FAM111B: variants seen among roughly 807,000 people sequenced by gnomAD.
FAM111B encodes serine protease FAM111B.
Under a neutral mutation model 2.8 loss-of-function variants are expected in FAM111B, and 1 was observed. The ratio of observed to expected loss-of-function variants is 0.36; its 90% CI spans 0.13 to 1.70. The LOEUF is 1.70. FAM111B is among the 40% of genes most tolerant of loss of function. The pLI is 0.35. For missense variants in FAM111B, 882 were observed against 878.9 expected, an observed-to-expected ratio of 1.00 and a Z score of -0.04; for synonymous variants, 297 against 295.6, an observed-to-expected ratio of 1.00 and a Z score of -0.05.
intron 3 of FAM111B, among the ~76,000 whole-genome samples, chr11:59,112,250 ACATACACTGAAT>A (rs1429576460): frequency 1.3e-5 from 2 of 152,214 alleles, no homozygotes; most frequent in African/African-American, 4.8e-5. Context: ...TATAAATGGA[ACATACACTGAAT>A]CATACCCTTT....
intron 3 of FAM111B, 178 bp downstream of exon 3, chr11:59,109,884 T>C (rs1194051319): frequency 7.6e-6 from 3 of 396,774 alleles, no homozygotes; most frequent in African/African-American, 6.1e-5. Context: ...ATGATAGAGT[T>C]AACAATGCTA....
Position 59,126,635 on chromosome 11 carries a change from C to T in FAM111B, c.*333C>T. ...CAAAAGAAGATATACACATGGCCAA[C>T]AAGGATATGAAAAAATACCTGATAT... On this transcript the variant is annotated 3_prime_UTR_variant, in exon 4 of 4. Transcript: ENST00000343597. 5.3e-6 allele frequency: 1 copy of T among 188,242 alleles called. No homozygotes were observed. The highest frequency in any genetic ancestry group is 1.1e-5 in the Non-Finnish European group (1 of 91,740). 11.7% of individuals were successfully genotyped at this position (188,242 alleles called of 1,614,324 possible).
rs762320602 is a variant in FAM111B, at chr11:59,109,675, A to T, written c.50A>T (p.Asp17Val). The T allele has an allele frequency of 6.2e-7, 1 of 1,612,676 alleles. No homozygotes were observed. The highest frequency in any genetic ancestry group is 1.7e-5 in the Admixed American group (1 of 59,954). ...EENKSFSAME[D>V]DQRTRPEVSK... ...AACAAGTCATTTAGCGCTATGGAAG[A>T]TGACCAGAGGACTAGACCTGAAGTT... The change falls in exon 3 of 4, where the codon GAT becomes GTT. Residue 17 changes from aspartate to valine, a missense_variant. Coordinates refer to ENST00000343597, the MANE Select transcript of FAM111B (RefSeq NM_198947.4).
intron 3 of FAM111B, among the ~76,000 whole-genome samples, chr11:59,120,166 A>T (rs1859899237): frequency 6.6e-6 from 1 of 152,250 alleles, no homozygotes; most frequent in Non-Finnish European, 1.5e-5. Flanking sequence ...TGAAAATGAG[A>T]CATAAATCAA....
intron 3 of FAM111B, among the ~76,000 whole-genome samples, chr11:59,119,016 G>C (rs545466194): frequency 6.6e-6 from 1 of 152,176 alleles, no homozygotes; most frequent in Non-Finnish European, 1.5e-5. Flanking sequence ...GTTCTTTTTA[G>C]TATTGTACTC....
chr11:59,111,922 C>A (rs1328227462), intron 3 of FAM111B, among the ~76,000 whole-genome samples: 1 of 152,108 alleles, frequency 6.6e-6, no homozygotes, highest in Non-Finnish European at 1.5e-5. Flanking sequence ...AACACAAAAA[C>A]CCCCACACCC....
chr11:59,112,816 T>C (rs1018928927), intron 3 of FAM111B, among the ~76,000 whole-genome samples: 5 of 152,248 alleles, frequency 3.3e-5, no homozygotes, highest in African/African-American at 1.2e-4. Flanking sequence ...ATTAAAATAT[T>C]TTTCCCATTT....
rs533825570 is a variant in FAM111B, at chr11:59,123,980, GA to G, written c.82-191del. Among the ~76,000 whole-genome samples, 72 of 151,440 alleles carry G rather than the reference GA, an allele frequency of 4.8e-4. No individual in the cohort carries two copies. The South Asian group carries it at 0.011, about 24-fold the overall frequency. The stretch of plus-strand genomic sequence containing the variant: ...AGAAAACAAAATCAAAGTATACAGA[GA>G]AAAAAAATTAAAAATTAAAATAAAG... On this transcript the variant is annotated intron_variant, in intron 3 of 3. Transcript: ENST00000343597.
chr11:59,125,745 CTA>C lies in FAM111B; in HGVS notation c.1649_1650del (p.Leu550GlnfsTer31). 6.2e-7 allele frequency: 1 copy of C among 1,613,702 alleles called. No individual in the cohort carries two copies. The highest frequency in any genetic ancestry group is 8.5e-7 in the Non-Finnish European group (1 of 1,179,776). On this transcript the variant is annotated frameshift_variant, in exon 4 of 4. Coordinates refer to ENST00000343597, the MANE Select transcript of FAM111B (RefSeq NM_198947.4). LOFTEE classifies it low-confidence loss of function (END_TRUNC). ...AAATCTAGATTATGCCATTTTAAAACTAAAAGAAAATGGAAATGCGTTTCCTC... is the reference window on the plus strand; with the variant it reads ...AAATCTAGATTATGCCATTTTAAAACAAAGAAAATGGAAATGCGTTTCCTC... ...NENLDYAILK[L>X]KENGNAFPPG...
Position 59,109,542 on chromosome 11 carries a change from A to G in FAM111B, c.-84A>G, listed in dbSNP as rs1319483341. 7 of 990,404 alleles carry G rather than the reference A, an allele frequency of 7.1e-6. No individual in the cohort carries two copies. Among genetic ancestry groups the G allele is most frequent in the Non-Finnish European group, 1.0e-5 (7 of 679,788 alleles). 61.4% of individuals were successfully genotyped at this position (990,404 alleles called of 1,614,324 possible). On this transcript the variant is annotated splice_region_variant and 5_prime_UTR_variant, in exon 3 of 4. Coordinates refer to ENST00000343597, the MANE Select transcript of FAM111B (RefSeq NM_198947.4). The stretch of plus-strand genomic sequence containing the variant: ...TCTTGTTTTTTTGGTTTTTTTAGAC[A>G]TTTCAGGTGGCAGAATAAATTCAAT...
intron 2 of FAM111B, 127 bp from the exon 3 acceptor site, chr11:59,109,413 C>G (rs1330828383): frequency 5.2e-6 from 2 of 388,272 alleles, no homozygotes; most frequent in African/African-American, 2.1e-5. Context: ...ATACAGTAAG[C>G]TAAATAGCCA....
chr11:59,121,551 A>C lies in FAM111B; in HGVS notation c.82-2628A>C, dbSNP rs540663116. The stretch of plus-strand genomic sequence containing the variant: ...AAATAATATGGCAATATCTATTATA[A>C]TAAAGATGATTACTCATTTTCTTTT... On this transcript the variant is annotated intron_variant, in intron 3 of 3. Coordinates refer to ENST00000343597, the MANE Select transcript of FAM111B (RefSeq NM_198947.4). Among the ~76,000 whole-genome samples, 39 of 152,250 alleles carry C rather than the reference A, an allele frequency of 2.6e-4. 1 individual carries two copies. Among genetic ancestry groups the C allele is most frequent in the Non-Finnish European group, 4.6e-4 (31 of 68,038 alleles).
intron 3 of FAM111B, 103 bp downstream of exon 3, chr11:59,109,809 C>T (rs1859730756): frequency 1.5e-6 from 1 of 675,526 alleles, no homozygotes; most frequent in Non-Finnish European, 2.4e-6. Context: ...GTTATAAGCC[C>T]TTCTCTTAGG....
chr11:59,124,992 A>G lies in FAM111B; in HGVS notation c.895A>G (p.Ile299Val). 1 of 1,612,852 alleles carries G rather than the reference A, an allele frequency of 6.2e-7. No individual in the cohort carries two copies. The highest frequency in any genetic ancestry group is 8.5e-7 in the Non-Finnish European group (1 of 1,179,696). The change falls in exon 4 of 4, where the codon ATA becomes GTA. Residue 299 changes from isoleucine (I) to valine (V), a missense_variant. Transcript: ENST00000343597. The stretch of plus-strand genomic sequence containing the variant: ...TGATGAAATTAATCACCAGAGTCTG[A>G]TACAGTCTAAGAAAAAAGTCCACAA... ...ATDEINHQSL[I>V]QSKKKVHKPK...
intron 2 of FAM111B, among the ~76,000 whole-genome samples, chr11:59,108,966 C>T (rs777639045): frequency 4.6e-5 from 7 of 152,040 alleles, no homozygotes; most frequent in Non-Finnish European, 8.8e-5. Flanking sequence ...TTTATACTTT[C>T]GAAGCTTGCT....
rs115452123 is a variant in FAM111B at position 59,113,201 on chromosome 11, A to T, written c.81+3495A>T. ...TGGATCAAAGTTTGTGTGTTTGTGT[A>T]AATTGTGTGTTGTGTAAAAAAATTA... On this transcript the variant is annotated intron_variant, in intron 3 of 3. Transcript: ENST00000343597. Among the ~76,000 whole-genome samples the T allele has an allele frequency of 2.3e-3, 176 of 75,142 alleles. 2 individuals are homozygous for T. Among genetic ancestry groups the T allele is most frequent in the African/African-American group, 0.015 (160 of 10,936 alleles). The allele number at this position is 75,142 out of a possible 152,430, so 49.3% of individuals were successfully genotyped here.
chr11:59,125,487 A>G lies in FAM111B; in HGVS notation c.1390A>G (p.Met464Val), dbSNP rs1167666128. The change falls in exon 4 of 4, where the codon ATG becomes GTG. Residue 464 changes from methionine (M) to valine (V), a missense_variant. Met to Val is a conservative substitution (Grantham distance 21). Transcript: ENST00000343597. ...ATATTATAGCAAGTCAGTTGGGTTC[A>G]TGCAATGGGACAATAATGGAAACAC... is the stretch of plus-strand genomic sequence containing the variant. ...LTYYSKSVGF[M>V]QWDNNGNTGN... 7.4e-6 allele frequency: 12 copies of G among 1,613,988 alleles called. No homozygotes were observed. The highest frequency in any genetic ancestry group is 1.0e-5 in the Non-Finnish European group (12 of 1,179,838).
intron 3 of FAM111B, among the ~76,000 whole-genome samples, chr11:59,119,094 G>T (rs1433287822): frequency 6.6e-6 from 1 of 152,202 alleles, no homozygotes; most frequent in Admixed American, 6.5e-5. Context: ...AGCCCTGTAA[G>T]ATCTCCAGGG....
chr11:59,125,335 G>C lies in FAM111B; in HGVS notation c.1238G>C (p.Arg413Thr). 1 of 1,613,946 alleles carries C rather than the reference G, an allele frequency of 6.2e-7. No individual in the cohort carries two copies. Among genetic ancestry groups the C allele is most frequent in the Non-Finnish European group, 8.5e-7 (1 of 1,179,848 alleles). Residue 413 changes from arginine to threonine, a missense_variant, in exon 4 of 4, where the codon AGA becomes ACA. Physicochemically the swap from Arg to Thr is moderately conservative, Grantham distance 71 (BLOSUM62 -1). Coordinates refer to ENST00000343597, the MANE Select transcript of FAM111B (RefSeq NM_198947.4). ...TTTAAAGAGGAGGCACAGTGGGTAA[G>C]AAAATATTTTCGGGAAGAACAAAAG... The part of the protein sequence containing the change: ...PNFKEEAQWV[R>T]KYFREEQKRM...
Sources: gnomAD v4.1 joint callset for allele counts (sites outside exome capture counted in the v4.1 genomes callset) on GRCh38, gnomAD v4.1.1 for gene constraint, MANE v1.5 for transcripts, NCBI Gene and HGNC (gene_info 2026-07-23, HGNC 2026-07-21) for gene names.